Variants in UQCRQ observed in about 807,000 individuals in gnomAD.
UQCRQ encodes the protein ubiquinol-cytochrome c reductase complex III subunit VII.
UQCRQ carries 9 observed loss-of-function variants against 7.9 expected under a neutral mutation model. The ratio of observed to expected loss-of-function variants is 1.13; its 90% CI spans 0.68 to 1.98. The LOEUF is 1.98. Ranked by LOEUF, UQCRQ falls within the 30% of genes most tolerant of loss-of-function variation. The probability of loss-of-function intolerance (pLI) is 0.00; values close to 1 mark genes in which losing one functional copy is unlikely to be tolerated. For missense variants in UQCRQ, 112 were observed against 109.7 expected (o/e 1.02, Z -0.10); for synonymous variants, 50 against 41.9 (o/e 1.19, Z -0.75).
At position 132,867,621 on chromosome 5, in the gene UQCRQ, C is replaced by A. The variant is rs1759672384; in HGVS notation, c.*39C>A. 1.3e-6 allele frequency: 2 copies of A among 1,545,298 alleles called. No homozygotes were observed. The highest frequency in any genetic ancestry group is 1.4e-5 in the African/African-American group (1 of 73,452). Reference sequence around the variant, plus strand: ...ATGACGGTTCCCTGTCTCTGAAAGACCTTTCTCTGGAAGAGGAGTCTGCAT... The same window carrying A: ...ATGACGGTTCCCTGTCTCTGAAAGAACTTTCTCTGGAAGAGGAGTCTGCAT... On this transcript the variant is annotated 3_prime_UTR_variant, in exon 3 of 3. Transcript: ENST00000378670.
In UQCRQ at chr5:132,868,593, G is replaced by A. The variant is rs1459302422; in HGVS notation, c.*1011G>A. 4.6e-5 allele frequency among the ~76,000 whole-genome samples: 7 copies of A among 152,088 alleles called. No homozygotes were observed. The highest frequency in any genetic ancestry group is 4.1e-4 in the South Asian group (2 of 4,824). On this transcript the variant is annotated 3_prime_UTR_variant, in exon 3 of 3. Transcript: ENST00000378670. The stretch of plus-strand genomic sequence containing the variant: ...AAAGTTTACAAATTTTTGTTGGGTC[G>A]GATTCAAAGCCATCCTGGGCTGCTT...
At chr5:132,866,776 G>T in intron 1 of UQCRQ, 89 bp downstream of exon 1, 1 of 1,503,666 alleles carries the variant, frequency 6.7e-7, no homozygotes, top group South Asian at 1.2e-5. Context: ...AAGGAGTGCA[G>T]GGGCAGGAGT....
In UQCRQ at chr5:132,867,534, C is replaced by T; in HGVS notation, c.201C>T (p.Phe67=). The change falls in exon 3 of 3, where the codon TTC becomes TTT. Residue 67 remains phenylalanine, a synonymous_variant. Transcript: ENST00000378670. ...TCTACACATGGGGGACTGAAGAGTT[C>T]GAGAGATCCAAGAGGAAGAATCCAG... ...YLIYTWGTEE[F]ERSKRKNPAA... 1 of 1,613,908 alleles carries T rather than the reference C, an allele frequency of 6.2e-7. No homozygotes were observed. The highest frequency in any genetic ancestry group is 1.3e-5 in the African/African-American group (1 of 74,962).
rs760610552 is a variant in UQCRQ at position 132,867,500 on chromosome 5, TTTATC to T, written c.174_178del (p.Ile59HisfsTer5). ...TTAATTTTTAAAGAGTTTGTAGTGTTTTATCTTATCTACACATGGGGGACTGAAGA... is the reference window on the plus strand; with the variant it reads ...TTAATTTTTAAAGAGTTTGTAGTGTTTTATCTACACATGGGGGACTGAAGA... On this transcript the variant is annotated frameshift_variant, in exon 3 of 3. Transcript: ENST00000378670. LOFTEE classifies it high-confidence loss of function. 1.9e-6 allele frequency: 3 copies of T among 1,613,674 alleles called. No individual in the cohort carries two copies. The highest frequency in any genetic ancestry group is 2.5e-6 in the Non-Finnish European group (3 of 1,179,702).
At chr5:132,867,333 A>C in intron 2 of UQCRQ, 155 bp from the exon 3 acceptor site, 1 of 735,388 alleles carries the variant, frequency 1.4e-6, no homozygotes, top group Non-Finnish European at 2.3e-6. Flanking sequence ...CTTTGTGTTA[A>C]ACGTGCAGCA....
At chr5:132,866,786 T>G (rs1216039492) in intron 1 of UQCRQ, 83 bp from the exon 2 acceptor site, 2 of 1,544,284 alleles carry the variant, frequency 1.3e-6, no homozygotes, top group South Asian at 1.1e-5. Flanking sequence ...GGGGCAGGAG[T>G]CTGGGGTTGG....
rs2150054485 is a variant in UQCRQ, at chr5:132,867,981, T to G, written c.*399T>G. 4.3e-6 allele frequency: 1 copy of G among 230,604 alleles called. No individual in the cohort carries two copies. Among genetic ancestry groups the G allele is most frequent in the East Asian group, 1.0e-4 (1 of 9,552 alleles). 14.3% of individuals were successfully genotyped at this position (230,604 alleles called of 1,614,324 possible). On this transcript the variant is annotated 3_prime_UTR_variant, in exon 3 of 3. Coordinates refer to ENST00000378670, the MANE Select transcript of UQCRQ (RefSeq NM_014402.5). ...TGTAATTAGTATGTGTCAGGGACGC[T>G]TTTATTTTTTATTTTTTGAGATGGA...
Position 132,868,270 on chromosome 5 carries a change from G to T in UQCRQ, c.*688G>T, listed in dbSNP as rs1759694793. 6.6e-6 allele frequency among the ~76,000 whole-genome samples: 1 copy of T among 152,226 alleles called. No homozygotes were observed. Among genetic ancestry groups the T allele is most frequent in the African/African-American group, 2.4e-5 (1 of 41,448 alleles). On this transcript the variant is annotated 3_prime_UTR_variant, in exon 3 of 3. Coordinates refer to ENST00000378670, the MANE Select transcript of UQCRQ (RefSeq NM_014402.5). ...GCTGGGATTACAGGCGTAAGCCATG[G>T]TGCTCTGGGCCTCAAATACTCTTCT...
At chr5:132,867,461 C>A in intron 2 of UQCRQ, 27 bp from the exon 3 acceptor site, 2 of 1,578,028 alleles carry the variant, frequency 1.3e-6, no homozygotes, top group South Asian at 2.2e-5. Flanking sequence ...TATGTGTGCT[C>A]TCTGTTTACT....
At position 132,866,909 on chromosome 5, in the gene UQCRQ, C is replaced by A. The variant is rs1352555043; in HGVS notation, c.28C>A (p.Arg10=). 6.2e-7 allele frequency: 1 copy of A among 1,613,918 alleles called. No homozygotes were observed. The highest frequency in any genetic ancestry group is 8.5e-7 in the Non-Finnish European group (1 of 1,179,966). The part of the protein sequence containing the change: MGREFGNLT[R]MRHVISYSLS... The stretch of plus-strand genomic sequence containing the variant: ...GGGCCGCGAGTTTGGGAATCTGACG[C>A]GGATGCGGCATGTGATCAGCTACAG... Residue 10 remains arginine, a synonymous_variant, in exon 2 of 3, where the codon CGG becomes AGG. Coordinates refer to ENST00000378670, the MANE Select transcript of UQCRQ (RefSeq NM_014402.5).
chr5:132,867,179 C>T, intron 2 of UQCRQ, 144 bp downstream of exon 2: 2 of 1,109,012 alleles, frequency 1.8e-6, no homozygotes, highest in Non-Finnish European at 2.6e-6. Flanking sequence ...TCCTGACCGC[C>T]CTTAAGCTGG....
chr5:132,867,232 A>G (rs985293775), intron 2 of UQCRQ, 197 bp downstream of exon 2: 20 of 818,334 alleles, frequency 2.4e-5, no homozygotes, highest in Non-Finnish European at 3.6e-5. Context: ...ACTGAGCTAC[A>G]GAACTGAAAT....
Position 132,868,000 on chromosome 5 carries a change from A to T in UQCRQ, c.*418A>T, listed in dbSNP as rs934253840. 2 of 230,178 alleles carry T rather than the reference A, an allele frequency of 8.7e-6. No homozygotes were observed. Among genetic ancestry groups the T allele is most frequent in the Non-Finnish European group, 1.8e-5 (2 of 114,028 alleles). 14.3% of individuals were successfully genotyped at this position (230,178 alleles called of 1,614,324 possible). ...GGACGCTTTTATTTTTTATTTTTTG[A>T]GATGGAGTCTTGCTCTCTCACCCAG... On this transcript the variant is annotated 3_prime_UTR_variant, in exon 3 of 3. Coordinates refer to ENST00000378670, the MANE Select transcript of UQCRQ (RefSeq NM_014402.5).
chr5:132,867,192 A>G, intron 2 of UQCRQ, 157 bp downstream of exon 2: 2 of 998,392 alleles, frequency 2.0e-6, no homozygotes, highest in Non-Finnish European at 2.9e-6. Context: ...TAAGCTGGTC[A>G]TATTATCCTC....
chr5:132,866,879 A>T lies in UQCRQ; in HGVS notation c.-3A>T. ...CCCTCGGTCCTGCAGGGCCGCCGCC[A>T]CAATGGGCCGCGAGTTTGGGAATCT... On this transcript the variant is annotated 5_prime_UTR_variant, in exon 2 of 3. Coordinates refer to ENST00000378670, the MANE Select transcript of UQCRQ (RefSeq NM_014402.5). 1.2e-6 allele frequency: 2 copies of T among 1,613,660 alleles called. No homozygotes were observed. Among genetic ancestry groups the T allele is most frequent in the Non-Finnish European group, 1.7e-6 (2 of 1,179,952 alleles).
chr5:132,867,020 T>C lies in UQCRQ; in HGVS notation c.139T>C (p.Phe47Leu). 1 of 1,613,926 alleles carries C rather than the reference T, an allele frequency of 6.2e-7. No individual in the cohort carries two copies. Among genetic ancestry groups the C allele is most frequent in the Non-Finnish European group, 8.5e-7 (1 of 1,179,926 alleles). The stretch of plus-strand genomic sequence containing the variant: ...TCTGCGCCGCATTCGGGAGTCTTTC[T>C]TTCGCGTGGTGCCGCGTGAGTGCCT... The part of the protein sequence containing the change: ...NVLRRIRESF[F>L]RVVPQFVVFY... The change falls in exon 2 of 3, where the codon TTT becomes CTT. Residue 47 changes from phenylalanine (F) to leucine (L), a missense_variant. Phe to Leu is a conservative substitution (Grantham distance 22). Transcript: ENST00000378670.
Position 132,867,757 on chromosome 5 carries a change from C to G in UQCRQ, c.*175C>G. ...CTAATATTCAAGTTCATGAAGCGCC[C>G]CTCCTCAGCATGAGTCTTGAAGTTT... On this transcript the variant is annotated 3_prime_UTR_variant, in exon 3 of 3. Transcript: ENST00000378670. 1.6e-6 allele frequency: 1 copy of G among 640,426 alleles called. No individual in the cohort carries two copies. The allele number at this position is 640,426 out of a possible 1,614,324, so 39.7% of individuals were successfully genotyped here.
chr5:132,868,358 G>A lies in UQCRQ; in HGVS notation c.*776G>A, dbSNP rs1759696551. On this transcript the variant is annotated 3_prime_UTR_variant, in exon 3 of 3. Transcript: ENST00000378670. ...TTTAACGTATCCTCATTTGGCAGATGAGGAAATGGGCACAGAGAGATTAAG... is the reference window on the plus strand; with the variant it reads ...TTTAACGTATCCTCATTTGGCAGATAAGGAAATGGGCACAGAGAGATTAAG... 6.6e-6 allele frequency among the ~76,000 whole-genome samples: 1 copy of A among 152,220 alleles called. No individual in the cohort carries two copies. The highest frequency in any genetic ancestry group is 6.5e-5 in the Admixed American group (1 of 15,284).
rs193054991 is a variant in UQCRQ, at chr5:132,868,420, G to A, written c.*838G>A. 6.6e-6 allele frequency among the ~76,000 whole-genome samples: 1 copy of A among 152,356 alleles called. No homozygotes were observed. Among genetic ancestry groups the A allele is most frequent in the East Asian group, 1.9e-4 (1 of 5,192 alleles). On this transcript the variant is annotated 3_prime_UTR_variant, in exon 3 of 3. Coordinates refer to ENST00000378670, the MANE Select transcript of UQCRQ (RefSeq NM_014402.5). The stretch of plus-strand genomic sequence containing the variant: ...AAATTATACAGCAGTGAATGGTGGA[G>A]TCTTGCACTAAAGTGATGCTCTTAA...
Sources: gnomAD v4.1 joint callset for allele counts (sites outside exome capture counted in the v4.1 genomes callset) on GRCh38, gnomAD v4.1.1 for gene constraint, MANE v1.5 for transcripts, NCBI Gene and HGNC (gene_info 2026-07-23, HGNC 2026-07-21) for gene names.